Variants in AEBP2 observed in about 807,000 individuals in gnomAD.
AEBP2 encodes zinc finger protein AEBP2.
A neutral mutation model predicts 50.8 loss-of-function variants in AEBP2; 10 were observed. The observed-to-expected ratio is 0.20, with a 90% CI of 0.12 to 0.33. The LOEUF (loss-of-function observed/expected upper bound fraction) is 0.33. Among genes scored for constraint, AEBP2 ranks in the 10% least tolerant of loss-of-function variants. AEBP2 has a pLI of 1.00. For synonymous variants in AEBP2, 296 were observed against 261.3 expected, an observed-to-expected ratio of 1.13 and a Z score of -1.28; for missense variants, 570 against 688.0, an observed-to-expected ratio of 0.83 and a Z score of 1.92.
intron 7 of AEBP2, among the ~76,000 whole-genome samples, chr12:19,516,065 A>T (rs1354945706): frequency 1.3e-5 from 2 of 152,216 alleles, no homozygotes; most frequent in Non-Finnish European, 2.9e-5. Context: ...AGCCTGGCTG[A>T]CAGAGCGAGA....
chr12:19,462,716 G>A lies in AEBP2; in HGVS notation c.878G>A (p.Gly293Glu), dbSNP rs1193195580. The A allele has an allele frequency of 1.3e-6, 2 of 1,576,180 alleles. No individual in the cohort carries two copies. Among genetic ancestry groups the A allele is most frequent in the Non-Finnish European group, 1.7e-6 (2 of 1,154,968 alleles). Residue 293 changes from glycine (G) to glutamate (E), a missense_variant and splice_region_variant, in exon 2 of 8, where the codon GGG becomes GAG. Physicochemically the swap from Gly to Glu is moderately conservative, Grantham distance 98 (BLOSUM62 -2). This residue lies in a region of AEBP2 where 184 missense variants were observed against 351.2 expected (regional missense o/e 0.52). Transcript: ENST00000266508. ...RSIHVDGQRG[G>E]VFVCLWKGCK... is the part of the protein sequence containing the mutation. ...ATACATGTAGATGGTCAGCGAGGAG[G>A]GGTTGGTTTTGTCATTTCTTTTTTT...
chr12:19,447,983 G>A (rs1312592802), intron 1 of AEBP2, among the ~76,000 whole-genome samples: 1 of 152,296 alleles, frequency 6.6e-6, no homozygotes, highest in East Asian at 1.9e-4. Flanking sequence ...GAATATTGCC[G>A]TGTGTGGCTT....
chr12:19,445,208 AT>A (rs1045123114), intron 1 of AEBP2, among the ~76,000 whole-genome samples: 18 of 150,064 alleles, frequency 1.2e-4, no homozygotes, highest in Admixed American at 1.0e-3. Flanking sequence ...CAGATGCTTT[AT>A]TTTTTTTGAT....
chr12:19,439,807 C>G lies in AEBP2; in HGVS notation c.108C>G (p.Pro36=), dbSNP rs1592714072. The G allele has an allele frequency of 4.6e-6, 7 of 1,510,488 alleles. No individual in the cohort carries two copies. The highest frequency in any genetic ancestry group is 2.1e-5 in the Admixed American group (1 of 48,684). The allele number at this position is 1,510,488 out of a possible 1,614,324, so 93.6% of individuals were successfully genotyped here. ...GSAARGRAEP[P]EEEEEEEEEE... is the part of the protein sequence containing the mutation. ...CGGCGCGGGGCCGGGCTGAGCCCCC[C>G]GAGGAGGAGGAGGAAGAGGAGGAGG... is the stretch of plus-strand genomic sequence containing the variant. Residue 36 remains proline (P), a synonymous_variant, in exon 1 of 8, where the codon CCC becomes CCG. Coordinates refer to ENST00000266508, the MANE Select transcript of AEBP2 (RefSeq NM_153207.5).
intron 2 of AEBP2, among the ~76,000 whole-genome samples, chr12:19,471,478 A>G (rs1001436285): frequency 1.3e-5 from 2 of 152,076 alleles, no homozygotes; most frequent in African/African-American, 4.8e-5. Flanking sequence ...ATTATTAAAC[A>G]ATATTGAATT....
chr12:19,495,979 G>T (rs866581069), intron 4 of AEBP2, among the ~76,000 whole-genome samples: 5 of 152,256 alleles, frequency 3.3e-5, no homozygotes, highest in African/African-American at 7.2e-5. Flanking sequence ...TTAATATCAA[G>T]TAGCTTGCAG....
intron 5 of AEBP2, among the ~76,000 whole-genome samples, chr12:19,505,968 T>G (rs1334970391): frequency 1.3e-5 from 2 of 151,762 alleles, no homozygotes; most frequent in African/African-American, 4.8e-5. Flanking sequence ...TTTTATTTTT[T>G]CTTGTAGAGA....
chr12:19,456,376 G>C (rs949058060), intron 1 of AEBP2: 1 of 1,366,224 alleles, frequency 7.3e-7, no homozygotes, highest in Non-Finnish European at 1.0e-6. Flanking sequence ...CGACCCAGAG[G>C]TGGGTAGTCT....
chr12:19,491,695 A>G (rs1330886662), intron 3 of AEBP2, among the ~76,000 whole-genome samples: 1 of 151,800 alleles, frequency 6.6e-6, no homozygotes, highest in African/African-American at 2.4e-5. Context: ...ATTAATGGAT[A>G]CCATATAAGA....
At chr12:19,463,466 A>G (rs1948412333) in intron 2 of AEBP2, among the ~76,000 whole-genome samples, 1 of 152,136 alleles carries the variant, frequency 6.6e-6, no homozygotes, top group Non-Finnish European at 1.5e-5. Context: ...ATTTATTAAT[A>G]TTAGGCCACA....
intron 1 of AEBP2, among the ~76,000 whole-genome samples, chr12:19,458,956 A>T (rs1036135499): frequency 6.6e-6 from 1 of 152,152 alleles, no homozygotes; most frequent in African/African-American, 2.4e-5. Context: ...TGCAAATTGG[A>T]TCATGACTAC....
intron 1 of AEBP2, among the ~76,000 whole-genome samples, chr12:19,405,915 T>C (rs988281478): frequency 1.2e-4 from 18 of 151,384 alleles, no homozygotes; most frequent in Non-Finnish European, 2.2e-4. Flanking sequence ...GATTCTCCTG[T>C]GTCAGCCTCC....
chr12:19,410,310 A>G (rs1474022293), intron 1 of AEBP2, among the ~76,000 whole-genome samples: 3 of 152,182 alleles, frequency 2.0e-5, no homozygotes, highest in Non-Finnish European at 4.4e-5. Flanking sequence ...TCACCGAAGA[A>G]CTTTCTGCCA....
chr12:19,518,388 C>CT lies in AEBP2; in HGVS notation c.*273dup, dbSNP rs1334868237. The stretch of plus-strand genomic sequence containing the variant: ...GACTGAGCAAACACTCTTTTGGCAA[C>CT]TTAGTAGAACAGCTTCTTAAAGGCT... On this transcript the variant is annotated 3_prime_UTR_variant, in exon 8 of 8. Transcript: ENST00000266508. 1 of 1,224,532 alleles carries CT rather than the reference C, an allele frequency of 8.2e-7. No homozygotes were observed. Among genetic ancestry groups the CT allele is most frequent in the Non-Finnish European group, 1.0e-6 (1 of 982,260 alleles). 75.9% of individuals were successfully genotyped at this position (1,224,532 alleles called of 1,614,324 possible).
intron 5 of AEBP2, among the ~76,000 whole-genome samples, chr12:19,504,400 C>T (rs1372845960): frequency 6.7e-6 from 1 of 150,184 alleles, no homozygotes; most frequent in Non-Finnish European, 1.5e-5. Flanking sequence ...CCACGCCTGG[C>T]TAATTTTTTT....
intron 5 of AEBP2, among the ~76,000 whole-genome samples, chr12:19,501,797 G>GTTTGTTTTT (rs60750234): frequency 5.9e-4 from 42 of 70,878 alleles, no homozygotes; most frequent in Middle Eastern, 0.021. Context: ...AAATGAGTTT[G>GTTTGTTTTT]TTTTTTTTTT....
intron 1 of AEBP2, among the ~76,000 whole-genome samples, chr12:19,422,500 AT>A (rs34357838): frequency 0.82 from 120,725 of 147,776 alleles, 49,421 homozygotes; most frequent in African/African-American, 0.9. Context: ...CTAGAAATAC[AT>A]TTTTTTTTTT....
intron 1 of AEBP2, among the ~76,000 whole-genome samples, chr12:19,458,901 C>A (rs935188892): frequency 6.6e-6 from 1 of 152,158 alleles, no homozygotes; most frequent in African/African-American, 2.4e-5. Context: ...CTTTCTGTGC[C>A]CTTGGAGACT....
chr12:19,516,195 A>C (rs1471921673), intron 7 of AEBP2, among the ~76,000 whole-genome samples: 1 of 152,254 alleles, frequency 6.6e-6, no homozygotes, highest in Admixed American at 6.5e-5. Context: ...GATTGAGAGT[A>C]ATCTACCAAA....
Sources: allele counts gnomAD v4.1 joint callset (sites outside exome capture counted in the v4.1 genomes callset), GRCh38; gene constraint gnomAD v4.1.1; regional missense constraint gnomAD v4.1.1; transcripts MANE v1.5; gene names NCBI Gene and HGNC (gene_info 2026-07-23, HGNC 2026-07-21).